The following L3MBTL4 variants were observed in gnomAD, a reference collection of about 807,000 sequenced individuals.
L3MBTL4 encodes the protein lethal(3)malignant brain tumor-like protein 4.
In L3MBTL4, 70 loss-of-function variants were observed where a neutral mutation model predicts 84.5. The ratio of observed to expected loss-of-function variants is 0.83; its 90% CI spans 0.68 to 1.01. The LOEUF (loss-of-function observed/expected upper bound fraction) is 1.01. Ranked by LOEUF, L3MBTL4 falls within the 50% of genes least tolerant of loss-of-function variation. The probability of loss-of-function intolerance (pLI) is 0.00; values close to 1 mark genes in which losing one functional copy is unlikely to be tolerated. For missense variants in L3MBTL4, 715 were observed against 754.8 expected (o/e 0.95, Z 0.62); for synonymous variants, 274 against 259.8 (o/e 1.05, Z -0.52).
rs150251405 is a variant in L3MBTL4, at chr18:6,213,198, C to T, written c.932G>A (p.Arg311Lys). 1.3e-4 allele frequency: 205 copies of T among 1,611,150 alleles called. 3 individuals are homozygous for T. In the East Asian group the frequency reaches 4.5e-3, roughly 36 times the overall value. ...TACAATCGTAGCAACACGAATTAAC[C>T]TGGGGTTCCGTTTATCCACAACTTC... ...KLEVVDKRNP[R>K]LIRVATIVDV... Residue 311 changes from arginine to lysine, a missense_variant, in exon 12 of 19, where the codon AGG becomes AAG. By Grantham distance (26) the Arg-to-Lys change is conservative (BLOSUM62 2). Transcript: ENST00000317931.
At chr18:6,330,224 C>T (rs562206133) in intron 1 of L3MBTL4, among the ~76,000 whole-genome samples, 67 of 152,304 alleles carry the variant, frequency 4.4e-4, no homozygotes, top group African/African-American at 1.6e-3. Flanking sequence ...AATTACTTTC[C>T]TATTGCTGCT....
intron 1 of L3MBTL4, among the ~76,000 whole-genome samples, chr18:6,413,640 A>G (rs2056062879): frequency 2.0e-5 from 3 of 152,192 alleles, no homozygotes; most frequent in African/African-American, 7.2e-5. Context: ...GCCTGCCACA[A>G]GCATCTTCTA....
intron 13 of L3MBTL4, among the ~76,000 whole-genome samples, chr18:6,139,400 C>A (rs77017244): frequency 0.014 from 2,065 of 152,156 alleles, 49 homozygotes; most frequent in African/African-American, 0.047. Context: ...CTGTCAAGCC[C>A]AAGAGGCAGT....
chr18:6,124,306 A>G (rs1017858150), intron 14 of L3MBTL4, among the ~76,000 whole-genome samples: 4 of 152,030 alleles, frequency 2.6e-5, no homozygotes, highest in Admixed American at 2.6e-4. Context: ...CTCAGAGGAA[A>G]AAATGGTCTC....
intron 4 of L3MBTL4, among the ~76,000 whole-genome samples, chr18:6,300,587 T>C (rs768203887): frequency 6.6e-6 from 1 of 152,210 alleles, no homozygotes; most frequent in African/African-American, 2.4e-5. Context: ...AATGAAACCG[T>C]AAATACTAAA....
At chr18:6,301,597 C>T (rs771736641) in intron 4 of L3MBTL4, among the ~76,000 whole-genome samples, 1 of 152,086 alleles carries the variant, frequency 6.6e-6, no homozygotes, top group African/African-American at 2.4e-5. Flanking sequence ...TATTAAAAAA[C>T]TAAATAGCAT....
chr18:6,152,711 C>T (rs1331504890), intron 13 of L3MBTL4, among the ~76,000 whole-genome samples: 1 of 152,134 alleles, frequency 6.6e-6, no homozygotes, highest in Non-Finnish European at 1.5e-5. Flanking sequence ...TTTCTTCATT[C>T]TATTGACTGT....
intron 16 of L3MBTL4, among the ~76,000 whole-genome samples, chr18:5,971,339 T>TTAGGGATTAAA (rs2052632807): frequency 6.6e-6 from 1 of 152,208 alleles, no homozygotes. Context: ...GTTAAAGCCC[T>TTAGGGATTAAA]GCACTCTTAG....
intron 14 of L3MBTL4, among the ~76,000 whole-genome samples, chr18:6,100,668 T>A (rs909316814): frequency 1.3e-5 from 2 of 152,200 alleles, no homozygotes; most frequent in African/African-American, 2.4e-5. Context: ...CACTTCCTCG[T>A]AGTTGCCATG....
intron 16 of L3MBTL4, among the ~76,000 whole-genome samples, chr18:6,072,681 AAC>A (rs367701179): frequency 1.3e-4 from 15 of 119,690 alleles, no homozygotes; most frequent in East Asian, 3.7e-4. Context: ...TCTACTAAAA[AAC>A]ACACACACAC....
intron 16 of L3MBTL4, among the ~76,000 whole-genome samples, chr18:6,065,297 A>T (rs145992053): frequency 5.5e-4 from 84 of 151,938 alleles, no homozygotes; most frequent in African/African-American, 1.9e-3. Context: ...TTCATCAAGG[A>T]TATTGTAGTT....
chr18:6,092,541 C>G (rs528295321), intron 15 of L3MBTL4, among the ~76,000 whole-genome samples: 2 of 152,322 alleles, frequency 1.3e-5, no homozygotes, highest in East Asian at 1.9e-4. Context: ...TGCTCAAGGT[C>G]TTGAACATGA....
intron 1 of L3MBTL4, among the ~76,000 whole-genome samples, chr18:6,316,176 T>A (rs1044191742): frequency 6.6e-6 from 1 of 152,050 alleles, no homozygotes; most frequent in African/African-American, 2.4e-5. Context: ...CTAGTGCCGG[T>A]GCCTACTGCT....
chr18:6,084,989 T>C (rs768168883), intron 15 of L3MBTL4, among the ~76,000 whole-genome samples: 4 of 152,192 alleles, frequency 2.6e-5, no homozygotes, highest in South Asian at 2.1e-4. Context: ...AAGCTTTCTA[T>C]GTTCCCACGC....
intron 4 of L3MBTL4, among the ~76,000 whole-genome samples, chr18:6,300,647 C>A (rs771437641): frequency 2.0e-5 from 3 of 151,434 alleles, no homozygotes; most frequent in Admixed American, 6.6e-5. Flanking sequence ...CATTGTTGGC[C>A]TCAGTCTGCT....
rs1228465353 is a variant in L3MBTL4, at chr18:5,967,321, C to T, written c.1614+2072G>A. 3.3e-5 allele frequency among the ~76,000 whole-genome samples: 5 copies of T among 152,194 alleles called. 1 individual carries two copies. Reference sequence around the variant, plus strand: ...TTCGTCTCTGGGTATCTCAACTTCCCCATGAGTAAAATGGGAAAGTGAGTA... The same window carrying T: ...TTCGTCTCTGGGTATCTCAACTTCCTCATGAGTAAAATGGGAAAGTGAGTA... On this transcript the variant is annotated intron_variant, in intron 17 of 18. Transcript: ENST00000317931.
chr18:6,030,416 A>G (rs1409211055), intron 16 of L3MBTL4: 2 of 984,974 alleles, frequency 2.0e-6, no homozygotes, highest in Non-Finnish European at 2.4e-6. Context: ...AAACATATAT[A>G]CATCTTCTGA....
chr18:6,199,870 G>A (rs186538046), intron 12 of L3MBTL4, among the ~76,000 whole-genome samples: 1 of 152,340 alleles, frequency 6.6e-6, no homozygotes, highest in East Asian at 1.9e-4. Flanking sequence ...AATGATCAGA[G>A]CAGAGTATAA....
chr18:6,344,576 G>T (rs2052778204), intron 1 of L3MBTL4, among the ~76,000 whole-genome samples: 1 of 152,012 alleles, frequency 6.6e-6, no homozygotes, highest in South Asian at 2.1e-4. Flanking sequence ...GACAGACAAG[G>T]TCATTCCAAT....
Sources: gnomAD v4.1 joint callset for allele counts (sites outside exome capture counted in the v4.1 genomes callset) on GRCh38, gnomAD v4.1.1 for gene constraint, MANE v1.5 for transcripts, NCBI Gene and HGNC (gene_info 2026-07-23, HGNC 2026-07-21) for gene names.